LRRK1: variants seen among roughly 807,000 people sequenced by gnomAD.
LRRK1 encodes the protein leucine-rich repeat serine/threonine-protein kinase 1.
A neutral mutation model predicts 209.1 loss-of-function variants in LRRK1; 113 were observed. That is an observed-to-expected ratio of 0.54 (90% CI 0.46 to 0.63). LRRK1 has a LOEUF of 0.63. Ranked by LOEUF, LRRK1 falls within the 30% of genes least tolerant of loss-of-function variation. The probability of loss-of-function intolerance (pLI) is 0.00; values close to 1 mark genes in which losing one functional copy is unlikely to be tolerated. For synonymous variants in LRRK1, 1,144 were observed against 1,099.7 expected, an observed-to-expected ratio of 1.04 and a Z score of -0.80; for missense variants, 2,284 against 2,632.2, an observed-to-expected ratio of 0.87 and a Z score of 2.89.
intron 2 of LRRK1, among the ~76,000 whole-genome samples, chr15:100,973,109 G>T (rs546668685): frequency 6.6e-6 from 1 of 152,206 alleles, no homozygotes. Flanking sequence ...TCGGCCTGCC[G>T]TGGCCGCCCC....
intron 3 of LRRK1, among the ~76,000 whole-genome samples, chr15:100,974,718 T>C (rs1363006217): frequency 6.6e-6 from 1 of 152,246 alleles, no homozygotes; most frequent in Non-Finnish European, 1.5e-5. Context: ...TGTTATTTTC[T>C]TAGCATAGAT....
chr15:101,032,880 C>G (rs1253496027), intron 20 of LRRK1, among the ~76,000 whole-genome samples: 1 of 152,220 alleles, frequency 6.6e-6, no homozygotes, highest in Non-Finnish European at 1.5e-5. Context: ...CCAAACCCCA[C>G]TGATTATTGT....
chr15:100,994,110 A>C (rs1446512478), intron 6 of LRRK1, among the ~76,000 whole-genome samples: 1 of 152,224 alleles, frequency 6.6e-6, no homozygotes, highest in Non-Finnish European at 1.5e-5. Flanking sequence ...GCACTTTCTT[A>C]ACTAATTTGG....
chr15:101,016,202 T>C (rs529940812), intron 12 of LRRK1, among the ~76,000 whole-genome samples: 1 of 152,222 alleles, frequency 6.6e-6, no homozygotes, highest in Admixed American at 6.5e-5. Context: ...CCCCTCTTCC[T>C]ATAAGAACGT....
intron 27 of LRRK1, among the ~76,000 whole-genome samples, chr15:101,055,496 T>G (rs930367115): frequency 6.6e-6 from 1 of 152,132 alleles, no homozygotes; most frequent in Non-Finnish European, 1.5e-5. Flanking sequence ...AAACAGCAGA[T>G]GAAGAGTCCA....
intron 2 of LRRK1, among the ~76,000 whole-genome samples, chr15:100,948,398 A>G (rs560497126): frequency 6.6e-6 from 1 of 152,194 alleles, no homozygotes; most frequent in Non-Finnish European, 1.5e-5. Context: ...AGGTCATGAA[A>G]GGGATGTAGT....
Position 101,075,766 on chromosome 15 carries a change from TC to T in LRRK1, c.*6920del, listed in dbSNP as rs2036963453. 6.6e-6 allele frequency: 1 copy of T among 150,608 alleles called. No individual in the cohort carries two copies. The highest frequency in any genetic ancestry group is 1.5e-5 in the Non-Finnish European group (1 of 68,022). The allele number at this position is 150,608 out of a possible 1,614,324, so 9.3% of individuals were successfully genotyped here. ...CTATCCTCAATACCTCACTCCATAA[TC>T]CATTATTGTGTTCTGGATCTCAAAC... On this transcript the variant is annotated 3_prime_UTR_variant, in exon 34 of 34. Coordinates refer to ENST00000388948, the MANE Select transcript of LRRK1 (RefSeq NM_024652.6).
rs531640499 is a variant in LRRK1, at chr15:101,027,751, G to T, written c.2640G>T (p.Glu880Asp). 5 of 1,604,874 alleles carry T rather than the reference G, an allele frequency of 3.1e-6. No homozygotes were observed. In the South Asian group the frequency reaches 4.5e-5, roughly 14 times the overall value. Reference sequence around the variant, plus strand: ...ACAGGCAGCTGGAGCAGCTGGTGGAGCAGACGCCCGACAACGACATCAAGG... The same window carrying T: ...ACAGGCAGCTGGAGCAGCTGGTGGATCAGACGCCCGACAACGACATCAAGG... ...LTDRQLEQLV[E>D]QTPDNDIKDY... Residue 880 changes from glutamate (E) to aspartate (D), a missense_variant, in exon 19 of 34, where the codon GAG becomes GAT. Glu to Asp is a conservative substitution (Grantham distance 45). Transcript: ENST00000388948. This position sits in a 1 kb window ranked among gnomAD's most constrained non-coding sequence, Gnocchi z 5.1.
intron 6 of LRRK1, among the ~76,000 whole-genome samples, chr15:101,006,381 AAAAAAAAAAAAG>A (rs1028977441): frequency 4.0e-4 from 60 of 148,820 alleles, no homozygotes; most frequent in African/African-American, 1.5e-3. Context: ...ATAAAAAAAA[AAAAAAAAAAAAG>A]AAAAGGCATT....
At chr15:101,020,607 C>T (rs905041242) in intron 12 of LRRK1, among the ~76,000 whole-genome samples, 3 of 152,116 alleles carry the variant, frequency 2.0e-5, no homozygotes, top group African/African-American at 7.2e-5. Context: ...AACTCCTGAC[C>T]TTGTGATCCC....
At chr15:101,020,960 G>A (rs1487812482) in intron 12 of LRRK1, 93 bp from the exon 13 acceptor site, 4 of 1,428,504 alleles carry the variant, frequency 2.8e-6, no homozygotes, top group Non-Finnish European at 3.9e-6. Context: ...ATGCCCTCTG[G>A]AGGTTGCATC....
chr15:101,050,758 C>T (rs1031781052), intron 23 of LRRK1: 1 of 152,376 alleles, frequency 6.6e-6, no homozygotes, highest in Non-Finnish European at 1.5e-5. Flanking sequence ...GGGTCCTTCA[C>T]ACTGTTGGCA....
chr15:100,953,801 C>A (rs1450700131), intron 2 of LRRK1, among the ~76,000 whole-genome samples: 3 of 152,168 alleles, frequency 2.0e-5, no homozygotes, highest in Non-Finnish European at 2.9e-5. Context: ...CCCAGCAACA[C>A]TGTATGAGTG....
intron 20 of LRRK1, among the ~76,000 whole-genome samples, chr15:101,033,449 A>G (rs2034367854): frequency 6.6e-6 from 1 of 152,142 alleles, no homozygotes; most frequent in Non-Finnish European, 1.5e-5. Flanking sequence ...AGCTTCTAGT[A>G]TCTGTCATGC....
rs909700518 is a variant in LRRK1, at chr15:101,057,994, C to T, written c.4532C>T (p.Pro1511Leu). ...CTGGTGGCTTCTCTCCCTCAGCGAC[C>T]GCTGGCCCTGTCGGTGGTGAGCCAG... The part of the protein sequence containing the change: ...ECWDTKPEKR[P>L]LALSVVSQMK... The change falls in exon 29 of 34, where the codon CCG (proline) becomes CTG (leucine). Residue 1511 changes from proline (P) to leucine (L), a missense_variant. Around this residue, in one of 6 missense-constraint regions of LRRK1, gnomAD observed 643 missense variants for 695.9 expected, o/e 0.92. Coordinates refer to ENST00000388948, the MANE Select transcript of LRRK1 (RefSeq NM_024652.6). 6 of 1,613,972 alleles carry T rather than the reference C, an allele frequency of 3.7e-6. No individual in the cohort carries two copies. The highest frequency in any genetic ancestry group is 1.3e-5 in the African/African-American group (1 of 74,890).
intron 20 of LRRK1, among the ~76,000 whole-genome samples, chr15:101,044,945 T>C (rs1475128449): frequency 6.6e-6 from 1 of 152,224 alleles, no homozygotes; most frequent in East Asian, 1.9e-4. Context: ...AGGTTGGGAA[T>C]GTCCTTTCAC....
intron 2 of LRRK1, among the ~76,000 whole-genome samples, chr15:100,930,428 C>T (rs1378011284): frequency 6.6e-6 from 1 of 152,160 alleles, no homozygotes; most frequent in Non-Finnish European, 1.5e-5. Flanking sequence ...TGCCGTGGAC[C>T]GGCTTTCAGG....
At chr15:100,950,358 G>GA (rs1237598773) in intron 2 of LRRK1, among the ~76,000 whole-genome samples, 2 of 152,132 alleles carry the variant, frequency 1.3e-5, no homozygotes, top group Non-Finnish European at 1.5e-5. Flanking sequence ...CTGAATAAAT[G>GA]AAAAAACATT....
At chr15:100,974,664 G>A (rs571540698) in intron 3 of LRRK1, among the ~76,000 whole-genome samples, 1 of 152,246 alleles carries the variant, frequency 6.6e-6, no homozygotes, top group African/African-American at 2.4e-5. Context: ...TAATATAAAC[G>A]ATGCTCTATT....
Sources: allele counts gnomAD v4.1 joint callset (sites outside exome capture counted in the v4.1 genomes callset), GRCh38; gene constraint gnomAD v4.1.1; regional missense constraint gnomAD v4.1.1; non-coding constraint Gnocchi (gnomAD v3.1); transcripts MANE v1.5; gene names NCBI Gene and HGNC (gene_info 2026-07-23, HGNC 2026-07-21).